Variants in CNIH3 observed in about 807,000 individuals in gnomAD.
CNIH3 encodes protein cornichon homolog 3.
A neutral mutation model predicts 24.1 loss-of-function variants in CNIH3; 14 were observed. The observed-to-expected ratio is 0.58, with a 90% CI of 0.38 to 0.91. The LOEUF (loss-of-function observed/expected upper bound fraction) is 0.91, where lower values mean the gene tolerates loss of function less well. Ranked by LOEUF, CNIH3 falls within the 40% of genes least tolerant of loss-of-function variation. The pLI is 0.00. For synonymous variants in CNIH3, 68 were observed against 73.8 expected (o/e 0.92, Z 0.40); for missense variants, 178 against 196.8 (o/e 0.90, Z 0.57).
upstream of CNIH3, among the ~76,000 whole-genome samples, chr1:224,615,005 G>A (rs1201758710): frequency 1.3e-5 from 2 of 152,078 alleles, no homozygotes; most frequent in Admixed American, 1.3e-4. Flanking sequence ...AATAGCTGCA[G>A]GAATGTTGGG....
intron 1 of CNIH3, among the ~76,000 whole-genome samples, chr1:224,445,080 G>A (rs1544196): frequency 0.29 from 43,334 of 151,752 alleles, 7,766 homozygotes; most frequent in African/African-American, 0.5. Flanking sequence ...GAAATAGAAC[G>A]TTACCAGGAC....
At chr1:224,535,837 C>T (rs572505756) in intron 2 of CNIH3, among the ~76,000 whole-genome samples, 3 of 152,192 alleles carry the variant, frequency 2.0e-5, no homozygotes, top group Non-Finnish European at 2.9e-5. Context: ...CTGGGGACAG[C>T]GGTAGTGTGG....
chr1:224,734,277 G>A (rs1689483943), intron 4 of CNIH3, among the ~76,000 whole-genome samples: 1 of 152,234 alleles, frequency 6.6e-6, no homozygotes, highest in African/African-American at 2.4e-5. Flanking sequence ...CTCTTCCTCA[G>A]ACTCCTAGGC....
At chr1:224,718,333 C>T (rs1031664011) in intron 3 of CNIH3, among the ~76,000 whole-genome samples, 3 of 152,112 alleles carry the variant, frequency 2.0e-5, no homozygotes, top group Non-Finnish European at 4.4e-5. Flanking sequence ...TGCGCTAAGC[C>T]TCTGAGGTGG....
At chr1:224,683,966 T>A (rs1246505346) in intron 2 of CNIH3, among the ~76,000 whole-genome samples, 2 of 152,232 alleles carry the variant, frequency 1.3e-5, no homozygotes, top group African/African-American at 4.8e-5. Context: ...TATTTATGAT[T>A]TAATTAGGCA....
chr1:224,582,140 A>G (rs939503125), intron 4 of CNIH3, among the ~76,000 whole-genome samples: 2 of 152,122 alleles, frequency 1.3e-5, no homozygotes, highest in African/African-American at 2.4e-5. Context: ...TTTACATACA[A>G]TTCAGCTGTT....
Position 224,575,752 on chromosome 1 carries a change from G to GA in CNIH3, n.517-7401dup, listed in dbSNP as rs575446813. ...ACCTCAAATAAATGTGCTTTTTGTG[G>GA]AAAAAAAAAAACTCACTGAAGAAAA... On this transcript the variant is annotated intron_variant and non_coding_transcript_variant, in intron 4 of 5. Transcript: ENST00000471578. Among the ~76,000 whole-genome samples the GA allele has an allele frequency of 4.3e-3, 621 of 143,662 alleles. 4 individuals are homozygous for GA. The highest frequency in any genetic ancestry group is 0.013 in the African/African-American group (525 of 39,434). The allele number at this position is 143,662 out of a possible 152,430, so 94.2% of individuals were successfully genotyped here.
chr1:224,505,530 T>G (rs1677873301), intron 1 of CNIH3, among the ~76,000 whole-genome samples: 1 of 152,116 alleles, frequency 6.6e-6, no homozygotes, highest in Non-Finnish European at 1.5e-5. Context: ...GCTGAAAACT[T>G]TTACATATTA....
chr1:224,640,725 A>G (rs1362212614), intron 1 of CNIH3, among the ~76,000 whole-genome samples: 2 of 152,208 alleles, frequency 1.3e-5, no homozygotes, highest in Admixed American at 1.3e-4. Context: ...GTGGGGTGTC[A>G]TGGCAGAGCC....
At chr1:224,501,685 A>G (rs554981466) in intron 1 of CNIH3, among the ~76,000 whole-genome samples, 1 of 151,270 alleles carries the variant, frequency 6.6e-6, no homozygotes, top group African/African-American at 2.4e-5. Flanking sequence ...GGTTCAAGCG[A>G]TTTTCCTGTC....
chr1:224,528,182 T>A (rs1331945741), intron 2 of CNIH3, among the ~76,000 whole-genome samples: 1 of 152,218 alleles, frequency 6.6e-6, no homozygotes, highest in East Asian at 1.9e-4. Flanking sequence ...AAGGATTGAT[T>A]GAGCCTGGGA....
chr1:224,646,543 C>T (rs1351212938), intron 1 of CNIH3, among the ~76,000 whole-genome samples: 3 of 152,178 alleles, frequency 2.0e-5, no homozygotes, highest in Non-Finnish European at 4.4e-5. Context: ...GTAGCTGGGA[C>T]TACAGAGGTG....
intron 1 of CNIH3, among the ~76,000 whole-genome samples, chr1:224,462,310 A>G (rs1351023974): frequency 6.6e-6 from 1 of 152,118 alleles, no homozygotes; most frequent in African/African-American, 2.4e-5. Context: ...GAGTAGTTTC[A>G]CTGCCCTAAA....
At chr1:224,450,328 A>G (rs1481132273) in intron 1 of CNIH3, among the ~76,000 whole-genome samples, 1 of 152,186 alleles carries the variant, frequency 6.6e-6, no homozygotes, top group Non-Finnish European at 1.5e-5. Flanking sequence ...GTGTGACGGT[A>G]TGATGGTATG....
At chr1:224,468,824 CAAAAA>C (rs1214427002) in intron 1 of CNIH3, among the ~76,000 whole-genome samples, 3 of 104,490 alleles carry the variant, frequency 2.9e-5, no homozygotes, top group African/African-American at 3.9e-5. Flanking sequence ...GACCCTGTCT[CAAAAA>C]AAAAAAAAAA....
chr1:224,585,928 A>G (rs1416380257), intron 5 of CNIH3, among the ~76,000 whole-genome samples: 2 of 152,270 alleles, frequency 1.3e-5, no homozygotes, highest in Non-Finnish European at 2.9e-5. Context: ...AAGCAGCATT[A>G]GTCTTGAAAG....
intron 3 of CNIH3, among the ~76,000 whole-genome samples, chr1:224,603,814 T>G (rs1682304760): frequency 6.6e-6 from 1 of 152,252 alleles, no homozygotes; most frequent in Non-Finnish European, 1.5e-5. Flanking sequence ...TCCTTATTAC[T>G]ATCACTATTT....
At chr1:224,618,688 T>C (rs1683146896) in intron 1 of CNIH3, among the ~76,000 whole-genome samples, 1 of 152,220 alleles carries the variant, frequency 6.6e-6, no homozygotes, top group Admixed American at 6.5e-5. Flanking sequence ...CTTTCCCCCA[T>C]TTCTCAGATT....
chr1:224,475,355 C>CAA (rs35377680), intron 1 of CNIH3, among the ~76,000 whole-genome samples: 48 of 129,548 alleles, frequency 3.7e-4, no homozygotes, highest in Non-Finnish European at 5.6e-4. Flanking sequence ...GACTCCATCT[C>CAA]AAAAAAAAAA....
Sources: gnomAD v4.1 joint callset for allele counts (sites outside exome capture counted in the v4.1 genomes callset) on GRCh38, gnomAD v4.1.1 for gene constraint, MANE v1.5 for transcripts, NCBI Gene and HGNC (gene_info 2026-07-23, HGNC 2026-07-21) for gene names.